PUM3: variants seen among roughly 807,000 people sequenced by gnomAD.
PUM3 encodes the protein pumilio homolog 3.
A neutral mutation model predicts 84.0 loss-of-function variants in PUM3; 91 were observed. The ratio of observed to expected loss-of-function variants is 1.08; its 90% CI spans 0.91 to 1.29. PUM3 has a LOEUF of 1.29. Among genes scored for constraint, PUM3 ranks in the 50% most tolerant of loss-of-function variants. The pLI is 0.00. For missense variants in PUM3, 1,067 were observed against 767.5 expected (o/e 1.39, Z -4.61); for synonymous variants, 321 against 266.7 (o/e 1.20, Z -1.98).
At chr9:2,819,456 T>C (rs759972359) in intron 13 of PUM3, among the ~76,000 whole-genome samples, 8 of 152,228 alleles carry the variant, frequency 5.3e-5, no homozygotes, top group Non-Finnish European at 8.8e-5. Context: ...ATTTTAGTAA[T>C]AACTTTTAAT....
chr9:2,840,942 G>A (rs1442987235), intron 1 of PUM3, among the ~76,000 whole-genome samples: 3 of 152,192 alleles, frequency 2.0e-5, no homozygotes, highest in Non-Finnish European at 4.4e-5. Context: ...CCTTTCGGCA[G>A]ACAGATTCAG....
At chr9:2,827,612 GCAA>G (rs1357523619) in intron 9 of PUM3, among the ~76,000 whole-genome samples, 6 of 152,164 alleles carry the variant, frequency 3.9e-5, no homozygotes, top group Admixed American at 6.6e-5. Context: ...GTCAGCAATT[GCAA>G]CAACACCTAC....
chr9:2,816,461 A>C (rs570255486), intron 13 of PUM3, among the ~76,000 whole-genome samples: 1 of 152,346 alleles, frequency 6.6e-6, no homozygotes, highest in South Asian at 2.1e-4. Flanking sequence ...AGCATATTTA[A>C]TACTACTTAA....
chr9:2,821,728 A>G (rs188489958), intron 12 of PUM3, among the ~76,000 whole-genome samples: 2 of 152,280 alleles, frequency 1.3e-5, no homozygotes, highest in East Asian at 3.9e-4. Context: ...AAATGCAGGT[A>G]TGAGCTGATC....
chr9:2,808,514 A>G lies in PUM3; in HGVS notation c.1724-610T>C, dbSNP rs183565899. ...TCACTTTGCAATTAATGCTTGGACAAAGGAGAAATTCTGATAGCTAAGATT... is the reference window on the plus strand; with the variant it reads ...TCACTTTGCAATTAATGCTTGGACAGAGGAGAAATTCTGATAGCTAAGATT... On this transcript the variant is annotated intron_variant, in intron 16 of 17. Transcript: ENST00000397885. Among the ~76,000 whole-genome samples, 23 of 152,352 alleles carry G rather than the reference A, an allele frequency of 1.5e-4. No individual in the cohort carries two copies. The East Asian group carries it at 4.2e-3, about 28-fold the overall frequency.
chr9:2,816,450 G>T (rs146011831), intron 13 of PUM3, among the ~76,000 whole-genome samples: 260 of 152,314 alleles, frequency 1.7e-3, no homozygotes, highest in African/African-American at 5.9e-3. Flanking sequence ...GCCTAACAAT[G>T]AGCATATTTA....
intron 13 of PUM3, among the ~76,000 whole-genome samples, chr9:2,815,137 G>A (rs771292359): frequency 2.6e-5 from 4 of 152,064 alleles, no homozygotes; most frequent in Admixed American, 6.6e-5. Flanking sequence ...ATCTAAATTC[G>A]TATTTAATTA....
chr9:2,831,386 C>A, intron 5 of PUM3, 42 bp from the exon 6 acceptor site: 4 of 1,221,174 alleles, frequency 3.3e-6, no homozygotes, highest in Non-Finnish European at 4.8e-6. Context: ...TCTTTTGAGA[C>A]TTATGTTTCT....
intron 12 of PUM3, among the ~76,000 whole-genome samples, chr9:2,821,258 C>G (rs1352690861): frequency 6.6e-6 from 1 of 151,916 alleles, no homozygotes; most frequent in Non-Finnish European, 1.5e-5. Flanking sequence ...TCCTGGCTAA[C>G]AGGGTGAAAC....
In PUM3 at chr9:2,829,957, AAC is replaced by A. The variant is rs1404967162; in HGVS notation, c.678-11_678-10del. The A allele has an allele frequency of 6.3e-7, 1 of 1,595,624 alleles. No individual in the cohort carries two copies. The highest frequency in any genetic ancestry group is 1.1e-5 in the South Asian group (1 of 89,666). On this transcript the variant is annotated splice_polypyrimidine_tract_variant and intron_variant, in intron 7 of 17. Coordinates refer to ENST00000397885, the MANE Select transcript of PUM3 (RefSeq NM_014878.5). The stretch of plus-strand genomic sequence containing the variant: ...CAATCTGTGGTTTACTTCTAAACGC[AAC>A]ACAATCATGGAAAAATAAATGATAG...
At chr9:2,811,684 C>T (rs1393910945) in intron 14 of PUM3, 101 bp from the exon 15 acceptor site, 11 of 737,188 alleles carry the variant, frequency 1.5e-5, no homozygotes, top group Middle Eastern at 2.4e-4. Flanking sequence ...CAGACTGTAT[C>T]GCACTCTATT....
At chr9:2,828,409 T>C in intron 9 of PUM3, 1 of 344,808 alleles carries the variant, frequency 2.9e-6, no homozygotes, top group South Asian at 3.7e-5. Context: ...CATGTAACAT[T>C]TTATTTGGGG....
intron 13 of PUM3, among the ~76,000 whole-genome samples, chr9:2,816,164 A>C (rs1166310278): frequency 6.6e-6 from 1 of 152,228 alleles, no homozygotes; most frequent in African/African-American, 2.4e-5. Context: ...TGCTATGGGG[A>C]CAAAAAGAAA....
intron 16 of PUM3, among the ~76,000 whole-genome samples, chr9:2,809,327 G>C (rs1480059964): frequency 1.3e-5 from 2 of 152,170 alleles, no homozygotes; most frequent in Non-Finnish European, 2.9e-5. Flanking sequence ...AATTAAGAGG[G>C]AGAAAAACCA....
At chr9:2,838,388 T>C in intron 2 of PUM3, 38 bp downstream of exon 2, 1 of 1,415,214 alleles carries the variant, frequency 7.1e-7, no homozygotes, top group South Asian at 1.2e-5. Context: ...ATCCCCCAAT[T>C]ATAACAGCCA....
chr9:2,832,357 A>G (rs1563834114), intron 5 of PUM3, among the ~76,000 whole-genome samples: 2 of 152,176 alleles, frequency 1.3e-5, no homozygotes, highest in East Asian at 1.9e-4. Flanking sequence ...CGCTATCTCT[A>G]TTACCCCGAG....
At chr9:2,809,882 C>G (rs1158048144) in intron 16 of PUM3, among the ~76,000 whole-genome samples, 1 of 152,168 alleles carries the variant, frequency 6.6e-6, no homozygotes, top group Non-Finnish European at 1.5e-5. Context: ...TAAACAGGCA[C>G]TAGTCCAAAA....
rs774148520 is a variant in PUM3, at chr9:2,824,754, C to G, written c.1097G>C (p.Arg366Thr). 2.5e-6 allele frequency: 4 copies of G among 1,587,486 alleles called. No homozygotes were observed. In the Admixed American group the frequency reaches 5.1e-5, roughly 20 times the overall value. ...ATGCCACAGGCAGTGCATGGCCACT[C>G]TGGCGCCATCGTGTGTGTGTGCCAG... The part of the protein sequence containing the change: ...VYLAHTHDGA[R>T]VAMHCLWHGT... The change falls in exon 11 of 18, where the codon AGA (arginine) becomes ACA (threonine). Residue 366 changes from arginine to threonine, a missense_variant. Arg to Thr is a moderately conservative substitution (Grantham distance 71). Coordinates refer to ENST00000397885, the MANE Select transcript of PUM3 (RefSeq NM_014878.5).
rs747984150 is a variant in PUM3, at chr9:2,807,951, T to C, written c.1724-47A>G. ...AGTGAACATCACATAATAAGATATA[T>C]ACTCCCTACCCCCTTCTCTACTGCC... is the stretch of plus-strand genomic sequence containing the variant. On this transcript the variant is annotated intron_variant, in intron 16 of 17. Transcript: ENST00000397885. The C allele has an allele frequency of 1.8e-5, 22 of 1,190,640 alleles. 1 individual carries two copies. Among genetic ancestry groups the C allele is most frequent in the South Asian group, 7.3e-5 (6 of 81,758 alleles). 73.8% of individuals were successfully genotyped at this position (1,190,640 alleles called of 1,614,324 possible). A position where few individuals can be genotyped will look rare whatever the true frequency, so the allele number is the denominator to read the frequency against.
Sources: gnomAD v4.1 joint callset for allele counts (sites outside exome capture counted in the v4.1 genomes callset) on GRCh38, gnomAD v4.1.1 for gene constraint, MANE v1.5 for transcripts, NCBI Gene and HGNC (gene_info 2026-07-23, HGNC 2026-07-21) for gene names.